The following ITPR2 variants were observed in gnomAD, a reference collection of about 807,000 sequenced individuals.
ITPR2 encodes the protein inositol 1,4,5-trisphosphate receptor type 2.
ITPR2 carries 207 observed loss-of-function variants against 317.1 expected under a neutral mutation model. The ratio of observed to expected loss-of-function variants is 0.65; its 90% CI spans 0.58 to 0.73. The LOEUF (loss-of-function observed/expected upper bound fraction) is 0.73, where lower values mean the gene tolerates loss of function less well. Among genes scored for constraint, ITPR2 ranks in the 30% least tolerant of loss-of-function variants. The pLI is 0.00. For synonymous variants in ITPR2, 1,156 were observed against 1,149.1 expected, an observed-to-expected ratio of 1.01 and a Z score of -0.12; for missense variants, 2,613 against 3,284.0, an observed-to-expected ratio of 0.80 and a Z score of 4.99.
intron 1 of ITPR2, among the ~76,000 whole-genome samples, chr12:26,811,159 G>A (rs532320615): frequency 6.6e-6 from 1 of 151,648 alleles, no homozygotes; most frequent in South Asian, 2.1e-4. Context: ...CCTAAAACAA[G>A]ATGTTTAATT....
chr12:26,591,553 G>A (rs1346710645), intron 32 of ITPR2, among the ~76,000 whole-genome samples: 2 of 152,106 alleles, frequency 1.3e-5, no homozygotes, highest in African/African-American at 2.4e-5. Context: ...AAAATAGCCG[G>A]GCGCAGAGGC....
chr12:26,785,408 C>T lies in ITPR2; in HGVS notation c.163+4749G>A, dbSNP rs1461285395. 4.0e-3 allele frequency among the ~76,000 whole-genome samples: 299 copies of T among 74,374 alleles called. 9 individuals carry two copies. Among genetic ancestry groups the T allele is most frequent in the African/African-American group, 0.011 (288 of 25,318 alleles). 48.8% of individuals were successfully genotyped at this position (74,374 alleles called of 152,430 possible). A position where few individuals can be genotyped will look rare whatever the true frequency, so the allele number is the denominator to read the frequency against. Reference sequence around the variant, plus strand: ...TGAGGAGCCCCTCTGCCCGGCCAGCCGCCCCGTCCAGGAGGGAGGTGGGGG... The same window carrying T: ...TGAGGAGCCCCTCTGCCCGGCCAGCTGCCCCGTCCAGGAGGGAGGTGGGGG... On this transcript the variant is annotated intron_variant, in intron 2 of 56. Coordinates refer to ENST00000381340, the MANE Select transcript of ITPR2 (RefSeq NM_002223.4).
At chr12:26,832,525 C>A (rs773022740) in intron 1 of ITPR2, among the ~76,000 whole-genome samples, 165 bp downstream of exon 1, 21 of 152,340 alleles carry the variant, frequency 1.4e-4, no homozygotes, top group Non-Finnish European at 2.5e-4. Context: ...TTCCTGCGAG[C>A]GGGCGAGCGA....
chr12:26,434,529 C>T (rs901285054), intron 48 of ITPR2, among the ~76,000 whole-genome samples: 1 of 152,168 alleles, frequency 6.6e-6, no homozygotes, highest in Non-Finnish European at 1.5e-5. Flanking sequence ...AGCCTACATA[C>T]ATTGGCTCTG....
intron 10 of ITPR2, among the ~76,000 whole-genome samples, chr12:26,694,888 C>T (rs1038392340): frequency 5.9e-5 from 9 of 152,144 alleles, no homozygotes; most frequent in East Asian, 1.9e-4. Flanking sequence ...TTATTTCTAT[C>T]GTAAGCCTGG....
At chr12:26,580,740 G>A (rs961189564) in intron 32 of ITPR2, among the ~76,000 whole-genome samples, 3 of 152,180 alleles carry the variant, frequency 2.0e-5, no homozygotes, top group Non-Finnish European at 4.4e-5. Flanking sequence ...ATTCTTCTCA[G>A]AGTGGTCTCA....
chr12:26,612,048 A>G (rs2136776965), intron 26 of ITPR2, among the ~76,000 whole-genome samples: 1 of 152,310 alleles, frequency 6.6e-6, no homozygotes, highest in African/African-American at 2.4e-5. Flanking sequence ...GGCTTAATAG[A>G]CAACCAAATC....
chr12:26,654,129 T>TAAA lies in ITPR2; in HGVS notation c.2590-4_2590-3insTTT, dbSNP rs750054368. On this transcript the variant is annotated splice_region_variant and splice_polypyrimidine_tract_variant and intron_variant, in intron 20 of 56. Coordinates refer to ENST00000381340, the MANE Select transcript of ITPR2 (RefSeq NM_002223.4). Reference sequence around the variant, plus strand: ...AGATTCCGAGCCAAGTGGACCACCTTAATAAAAAAAAAAAAGCGGGGAGGG... The same window carrying TAAA: ...AGATTCCGAGCCAAGTGGACCACCTTAAAAATAAAAAAAAAAAAGCGGGGAGGG... 1 of 644,798 alleles carries TAAA rather than the reference T, an allele frequency of 1.6e-6. No homozygotes were observed. Among genetic ancestry groups the TAAA allele is most frequent in the Non-Finnish European group, 2.2e-6 (1 of 454,898 alleles). The allele number at this position is 644,798 out of a possible 1,614,324, so 39.9% of individuals were successfully genotyped here. A position where few individuals can be genotyped will look rare whatever the true frequency, so the allele number is the denominator to read the frequency against.
At chr12:26,590,937 G>A (rs776954692) in intron 32 of ITPR2, among the ~76,000 whole-genome samples, 8 of 151,704 alleles carry the variant, frequency 5.3e-5, no homozygotes, top group Non-Finnish European at 8.8e-5. Context: ...AAAATTAAAC[G>A]GGAGTGGTGG....
At position 26,369,526 on chromosome 12, in the gene ITPR2, C is replaced by T. The variant is rs570046847; in HGVS notation, c.7857+17908G>A. On this transcript the variant is annotated intron_variant, in intron 55 of 56. Transcript: ENST00000381340. ...GGGATAGAGGAATGAGAAGGGCTAA[C>T]TTTCAGTTAAGATTTAAAATTTCTT... Among the ~76,000 whole-genome samples the T allele has an allele frequency of 2.0e-5, 3 of 152,212 alleles. No homozygotes were observed. In the South Asian group the frequency reaches 6.3e-4, roughly 32 times the overall value.
At position 26,391,555 on chromosome 12, in the gene ITPR2, C is replaced by CTTTTTTTTTTTTTTTTT. The variant is rs1491173931; in HGVS notation, c.7697-3962_7697-3961insAAAAAAAAAAAAAAAAA. The stretch of plus-strand genomic sequence containing the variant: ...AGCTTCTTCTTCTTCTTCTTCTTTT[C>CTTTTTTTTTTTTTTTTT]CTTTTTTTTTTTTTTTTTTTTTTTT... On this transcript the variant is annotated intron_variant, in intron 54 of 56. Transcript: ENST00000381340. 1.3e-3 allele frequency among the ~76,000 whole-genome samples: 89 copies of CTTTTTTTTTTTTTTTTT among 70,852 alleles called. 16 individuals carry two copies. Among genetic ancestry groups the CTTTTTTTTTTTTTTTTT allele is most frequent in the East Asian group, 2.1e-3 (3 of 1,416 alleles). The allele number at this position is 70,852 out of a possible 152,430, so 46.5% of individuals were successfully genotyped here.
intron 9 of ITPR2, among the ~76,000 whole-genome samples, chr12:26,705,338 T>C (rs1388229718): frequency 6.6e-6 from 1 of 152,174 alleles, no homozygotes; most frequent in African/African-American, 2.4e-5. Flanking sequence ...CTGGCCTGTT[T>C]AGTAGCACTT....
intron 45 of ITPR2, among the ~76,000 whole-genome samples, chr12:26,454,609 AT>A (rs530893463): frequency 8.7e-5 from 13 of 149,518 alleles, no homozygotes; most frequent in Admixed American, 3.3e-4. Flanking sequence ...GTTTCTGGTG[AT>A]TTTTTTTTTA....
chr12:26,477,237 T>C (rs1942439484), intron 43 of ITPR2, among the ~76,000 whole-genome samples: 1 of 152,164 alleles, frequency 6.6e-6, no homozygotes, highest in Non-Finnish European at 1.5e-5. Flanking sequence ...ATATTTTAAA[T>C]ATTGGTGAAA....
chr12:26,647,518 G>A (rs1565663359), intron 21 of ITPR2, among the ~76,000 whole-genome samples: 1 of 152,222 alleles, frequency 6.6e-6, no homozygotes, highest in Admixed American at 6.5e-5. Flanking sequence ...AAAGTGAAAT[G>A]TTTGCAAAGA....
chr12:26,383,308 G>A (rs1163535611), intron 55 of ITPR2, among the ~76,000 whole-genome samples: 1 of 152,094 alleles, frequency 6.6e-6, no homozygotes, highest in Non-Finnish European at 1.5e-5. Context: ...AAATTACCCA[G>A]CCTTAGGTAT....
intron 5 of ITPR2, among the ~76,000 whole-genome samples, chr12:26,721,014 A>G (rs1257044586): frequency 6.6e-6 from 1 of 152,140 alleles, no homozygotes; most frequent in Non-Finnish European, 1.5e-5. Flanking sequence ...AGACAGGGAT[A>G]CTATTCAGTG....
At chr12:26,699,501 A>C (rs773395227) in intron 9 of ITPR2, among the ~76,000 whole-genome samples, 3 of 152,250 alleles carry the variant, frequency 2.0e-5, no homozygotes, top group Non-Finnish European at 2.9e-5. Flanking sequence ...TTACATATTC[A>C]TATCTTTGGC....
At chr12:26,654,499 T>C (rs1947330609) in intron 20 of ITPR2, among the ~76,000 whole-genome samples, 1 of 152,198 alleles carries the variant, frequency 6.6e-6, no homozygotes, top group African/African-American at 2.4e-5. Flanking sequence ...CAGAAATCTA[T>C]GTTCCCTATG....
Sources: allele counts gnomAD v4.1 joint callset (sites outside exome capture counted in the v4.1 genomes callset), GRCh38; gene constraint gnomAD v4.1.1; transcripts MANE v1.5; gene names NCBI Gene and HGNC (gene_info 2026-07-23, HGNC 2026-07-21).